Variants in SLC35D1 observed in about 807,000 individuals in gnomAD.
SLC35D1 encodes the protein solute carrier family 35 member D1.
SLC35D1 carries 31 observed loss-of-function variants against 46.7 expected under a neutral mutation model. The ratio of observed to expected loss-of-function variants is 0.66; its 90% CI spans 0.50 to 0.90. The LOEUF (loss-of-function observed/expected upper bound fraction) is 0.90, where lower values mean the gene tolerates loss of function less well. SLC35D1 is among the 40% of genes least tolerant of loss of function. The pLI, the probability that SLC35D1 is intolerant of heterozygous loss-of-function variation, is 0.00. For synonymous variants in SLC35D1, 195 were observed against 164.6 expected (o/e 1.18, Z -1.41); for missense variants, 397 against 426.2 (o/e 0.93, Z 0.60).
At chr1:66,977,119 T>C in the SLC35D1 span, among the ~76,000 whole-genome samples, 1 of 152,120 alleles carries the variant, frequency 6.6e-6, no homozygotes, top group East Asian at 1.9e-4. Flanking sequence ...TCTTCTTTTT[T>C]TTTTTTTGAG....
At chr1:66,993,497 G>A in the SLC35D1 span, among the ~76,000 whole-genome samples, 1 of 152,100 alleles carries the variant, frequency 6.6e-6, no homozygotes, top group African/African-American at 2.4e-5. Context: ...TGGCAAGATG[G>A]GGACTCAGAT....
intron 8 of SLC35D1, among the ~76,000 whole-genome samples, chr1:67,035,151 CGTGTGT>C (rs1225214867): frequency 6.6e-6 from 1 of 151,536 alleles, no homozygotes; most frequent in African/African-American, 2.4e-5. Flanking sequence ...TGTGTGCGCG[CGTGTGT>C]GTGTGTTTAA....
At chr1:66,988,753 T>A in the SLC35D1 span, 1 of 152,272 alleles carries the variant, frequency 6.6e-6, no homozygotes, top group Non-Finnish European at 1.5e-5. Context: ...CACATTTAAA[T>A]GTCAATGATG....
intron 7 of SLC35D1, among the ~76,000 whole-genome samples, chr1:67,043,015 T>G (rs990372829): frequency 2.6e-5 from 4 of 151,974 alleles, no homozygotes; most frequent in African/African-American, 7.3e-5. Context: ...CTGGCCAACA[T>G]AGTGAAACTG....
downstream of SLC35D1, among the ~76,000 whole-genome samples, chr1:66,994,501 A>G (rs1667218157): frequency 6.6e-6 from 1 of 152,082 alleles, no homozygotes; most frequent in African/African-American, 2.4e-5. Flanking sequence ...AAAACTAGCC[A>G]GACGTGGTGG....
intron 8 of SLC35D1, among the ~76,000 whole-genome samples, chr1:67,023,324 C>G (rs1297284284): frequency 6.6e-6 from 1 of 152,168 alleles, no homozygotes; most frequent in Non-Finnish European, 1.5e-5. Flanking sequence ...GATCTATATT[C>G]TCACCAACAC....
the SLC35D1 span, among the ~76,000 whole-genome samples, chr1:66,994,212 T>C: frequency 6.6e-6 from 1 of 152,230 alleles, no homozygotes; most frequent in Admixed American, 6.5e-5. Context: ...GGTGAGATGA[T>C]TAGTTTCACC....
intron 8 of SLC35D1, among the ~76,000 whole-genome samples, chr1:67,026,368 A>C (rs1667913995): frequency 6.6e-6 from 1 of 152,154 alleles, no homozygotes; most frequent in Non-Finnish European, 1.5e-5. Context: ...TATGGTCATG[A>C]TATACTGCCC....
chr1:67,023,063 T>C (rs2102287087), intron 8 of SLC35D1, among the ~76,000 whole-genome samples: 1 of 152,336 alleles, frequency 6.6e-6, no homozygotes, highest in South Asian at 2.1e-4. Flanking sequence ...ATACCACAAT[T>C]TGTTTATCCA....
downstream of SLC35D1, among the ~76,000 whole-genome samples, chr1:66,995,863 T>A (rs1421252089): frequency 1.3e-5 from 2 of 152,210 alleles, no homozygotes; most frequent in Non-Finnish European, 2.9e-5. Flanking sequence ...TTGTGAACAT[T>A]GTCCTCAAAA....
chr1:66,974,425 G>GTTT, the SLC35D1 span, among the ~76,000 whole-genome samples: 868 of 148,800 alleles, frequency 5.8e-3, 6 homozygotes, highest in African/African-American at 0.02. Flanking sequence ...TTTGGATGAG[G>GTTT]TTTTTTTTTT....
intron 8 of SLC35D1, among the ~76,000 whole-genome samples, chr1:67,036,450 G>A (rs768393596): frequency 1.4e-4 from 22 of 151,860 alleles, no homozygotes; most frequent in South Asian, 6.2e-4. Flanking sequence ...AAATATATCC[G>A]GGTGTTCCAG....
rs1222617946 is a variant in SLC35D1 at position 67,000,681 on chromosome 1, T to C, written c.*3659A>G. On this transcript the variant is annotated 3_prime_UTR_variant, in exon 12 of 12. Transcript: ENST00000235345. ...AGGCATTGTGCTAAGTAGTTTCATA[T>C]CCATGTCTCATTTATTCCGAACTTT... 1.3e-5 allele frequency: 2 copies of C among 152,252 alleles called. No individual in the cohort carries two copies. Among genetic ancestry groups the C allele is most frequent in the Admixed American group, 6.5e-5 (1 of 15,282 alleles). The allele number at this position is 152,252 out of a possible 1,614,324, so 9.4% of individuals were successfully genotyped here.
rs570357359 is a variant in SLC35D1 at position 67,001,658 on chromosome 1, C to T, written c.*2682G>A. On this transcript the variant is annotated 3_prime_UTR_variant, in exon 12 of 12. Transcript: ENST00000235345. The stretch of plus-strand genomic sequence containing the variant: ...TGCCTAGTAAATATCAAACATGGGG[C>T]AAAAACCAGACTTTCTGGGAGGTGC... The T allele has an allele frequency of 1.3e-5, 2 of 152,296 alleles. No homozygotes were observed. Among genetic ancestry groups the T allele is most frequent in the Admixed American group, 1.3e-4 (2 of 15,278 alleles). The allele number at this position is 152,296 out of a possible 1,614,324, so 9.4% of individuals were successfully genotyped here. A position where few individuals can be genotyped will look rare whatever the true frequency, so the allele number is the denominator to read the frequency against.
At chr1:66,989,487 C>T in the SLC35D1 span, among the ~76,000 whole-genome samples, 3 of 152,274 alleles carry the variant, frequency 2.0e-5, no homozygotes, top group East Asian at 1.9e-4. Flanking sequence ...TTATTTGAGA[C>T]GGTCTCAGTT....
the SLC35D1 span, chr1:66,987,691 T>A: frequency 7.3e-6 from 1 of 136,488 alleles, no homozygotes; most frequent in Admixed American, 7.1e-5. Flanking sequence ...ACTGTGTGAA[T>A]ATTTTCATTA....
chr1:67,017,613 G>C (rs1399059464), intron 10 of SLC35D1, among the ~76,000 whole-genome samples: 5 of 152,110 alleles, frequency 3.3e-5, no homozygotes. Context: ...CTATAATCCA[G>C]TAAAATCTGT....
chr1:67,000,503 G>A lies in SLC35D1; in HGVS notation c.*3837C>T, dbSNP rs771499327. 6.6e-6 allele frequency: 1 copy of A among 152,178 alleles called. No individual in the cohort carries two copies. The highest frequency in any genetic ancestry group is 1.5e-5 in the Non-Finnish European group (1 of 68,020). The allele number at this position is 152,178 out of a possible 1,614,324, so 9.4% of individuals were successfully genotyped here. A position where few individuals can be genotyped will look rare whatever the true frequency, so the allele number is the denominator to read the frequency against. ...AAACTGCTACCTAAGGATTCTAGAG[G>A]CAATGAGACACAGAGTCCTGTTTTT... On this transcript the variant is annotated 3_prime_UTR_variant, in exon 12 of 12. Transcript: ENST00000235345.
chr1:67,004,440 CCAGCAATGCTGCAAAA>C lies in SLC35D1; in HGVS notation c.960-8_967del. The stretch of plus-strand genomic sequence containing the variant: ...AGTGATATAGGAATATACCAGGCTC[CCAGCAATGCTGCAAAA>C]CAGAAAGCCACTATCAGAGATGGAG... On this transcript the variant is annotated splice_acceptor_variant and splice_polypyrimidine_tract_variant and coding_sequence_variant and intron_variant, in exon 12 of 12. Transcript: ENST00000235345. LOFTEE classifies it high-confidence loss of function. The C allele has an allele frequency of 6.2e-7, 1 of 1,613,798 alleles. No individual in the cohort carries two copies. The highest frequency in any genetic ancestry group is 8.5e-7 in the Non-Finnish European group (1 of 1,179,822).
Sources: allele counts gnomAD v4.1 joint callset (sites outside exome capture counted in the v4.1 genomes callset), GRCh38; gene constraint gnomAD v4.1.1; transcripts MANE v1.5; gene names NCBI Gene and HGNC (gene_info 2026-07-23, HGNC 2026-07-21).